The following DIAPH2 variants were observed in gnomAD, a reference collection of about 807,000 sequenced individuals.
DIAPH2 encodes the protein protein diaphanous homolog 2.
Under a neutral mutation model 92.7 loss-of-function variants are expected in DIAPH2, and 35 were observed. The observed-to-expected ratio is 0.38, with a 90% CI of 0.29 to 0.50. DIAPH2 has a LOEUF of 0.50. Among genes scored for constraint, DIAPH2 ranks in the 20% least tolerant of loss-of-function variants. The pLI is 0.94. For synonymous variants in DIAPH2, 301 were observed against 280.4 expected, an observed-to-expected ratio of 1.07 and a Z score of -0.73; for missense variants, 701 against 819.5, an observed-to-expected ratio of 0.86 and a Z score of 1.77.
At chrX:96,793,527 A>G in intron 4 of DIAPH2, 1 of 342,757 alleles carries the variant, frequency 2.9e-6, no homozygotes, top group South Asian at 2.7e-5. Flanking sequence ...TTCGATCTGG[A>G]GGCTGGGAAG....
intron 5 of DIAPH2, among the ~76,000 whole-genome samples, chrX:96,893,876 C>T (rs1308908991): frequency 8.9e-6 from 1 of 111,737 alleles, no homozygotes; most frequent in East Asian, 2.8e-4. Flanking sequence ...AGTATTTGCT[C>T]TATGACCCCA....
intron 22 of DIAPH2, among the ~76,000 whole-genome samples, chrX:97,205,062 A>T (rs1029537685): frequency 2.7e-5 from 3 of 111,676 alleles, no homozygotes; most frequent in Admixed American, 9.6e-5. Context: ...TGACAAAAAA[A>T]AAGCAATGGG....
chrX:96,917,775 C>G (rs1569426851), intron 8 of DIAPH2, among the ~76,000 whole-genome samples: 1 of 110,101 alleles, frequency 9.1e-6, no homozygotes, highest in Non-Finnish European at 1.9e-5. Flanking sequence ...TTTTTAGAGT[C>G]TTTTTTCTTT....
chrX:97,168,086 A>T (rs756661612), intron 22 of DIAPH2, among the ~76,000 whole-genome samples: 21 of 104,404 alleles, frequency 2.0e-4, no homozygotes, highest in African/African-American at 6.8e-4. Context: ...AAAATTAGAC[A>T]GTCTTTTTTT....
chrX:97,258,293 G>T (rs1406519935), intron 23 of DIAPH2, among the ~76,000 whole-genome samples: 2 of 112,386 alleles, frequency 1.8e-5, no homozygotes, highest in Non-Finnish European at 3.8e-5. Context: ...GATTAAGGGG[G>T]CCAGGTGCAG....
chrX:96,696,937 A>G (rs1056455085), intron 1 of DIAPH2, among the ~76,000 whole-genome samples: 5 of 112,104 alleles, frequency 4.5e-5, no homozygotes, highest in African/African-American at 1.6e-4. Flanking sequence ...GAATGTCAGC[A>G]TGACATGCTG....
intron 26 of DIAPH2, among the ~76,000 whole-genome samples, chrX:97,437,309 A>G (rs2070197239): frequency 8.9e-6 from 1 of 111,877 alleles, no homozygotes; most frequent in African/African-American, 3.2e-5. Context: ...ATATTGTAAT[A>G]TACAATTAAA....
intron 25 of DIAPH2, among the ~76,000 whole-genome samples, chrX:97,423,220 G>T (rs1205034609): frequency 9.0e-6 from 1 of 111,075 alleles, no homozygotes; most frequent in Non-Finnish European, 1.9e-5. Context: ...TGAACCTGTC[G>T]TCTTCTCTAG....
intron 26 of DIAPH2, among the ~76,000 whole-genome samples, chrX:97,509,025 T>TTATA (rs2070859469): frequency 1.1e-5 from 1 of 94,025 alleles, no homozygotes; most frequent in Non-Finnish European, 2.0e-5. Context: ...ATTTATTTAT[T>TTATA]TATTTATTTA....
intron 16 of DIAPH2, 51 bp from the exon 17 acceptor site, chrX:96,965,042 T>G (rs2065886271): frequency 9.0e-7 from 1 of 1,110,420 alleles, no homozygotes; most frequent in Non-Finnish European, 1.2e-6. Flanking sequence ...CCTTGAAAAT[T>G]TAAATATGAG....
chrX:97,035,525 C>T (rs916141736), intron 17 of DIAPH2, among the ~76,000 whole-genome samples: 21 of 111,567 alleles, frequency 1.9e-4, no homozygotes, highest in Admixed American at 1.7e-3. Context: ...AACAAATAGA[C>T]TTCAATCTCT....
intron 25 of DIAPH2, among the ~76,000 whole-genome samples, chrX:97,396,631 G>A (rs1015083695): frequency 2.7e-5 from 3 of 111,315 alleles, no homozygotes; most frequent in Admixed American, 9.6e-5. Context: ...GTGAGACTCT[G>A]TCTAAAAAAA....
chrX:96,884,606 C>G (rs745560952), intron 5 of DIAPH2: 10 of 1,209,915 alleles, frequency 8.3e-6, no homozygotes, highest in Non-Finnish European at 1.0e-5. Flanking sequence ...GATATGACCG[C>G]GAAACCAATC....
intron 17 of DIAPH2, among the ~76,000 whole-genome samples, chrX:97,032,033 C>T (rs897947427): frequency 6.3e-5 from 7 of 111,702 alleles, no homozygotes; most frequent in African/African-American, 2.3e-4. Context: ...GGTAAGAAAT[C>T]AGGGCATAAA....
intron 17 of DIAPH2, among the ~76,000 whole-genome samples, chrX:97,028,227 T>A: frequency 9.0e-6 from 1 of 111,314 alleles, no homozygotes. Context: ...CAATATCCAG[T>A]GCATCTGCTA....
chrX:96,967,663 C>T (rs948944717), intron 17 of DIAPH2, among the ~76,000 whole-genome samples: 3 of 110,545 alleles, frequency 2.7e-5, no homozygotes, highest in Non-Finnish European at 3.8e-5. Flanking sequence ...GTAATCCACC[C>T]GCCTCGACCT....
chrX:97,562,764 C>G (rs777366011), intron 26 of DIAPH2, among the ~76,000 whole-genome samples: 4 of 111,198 alleles, frequency 3.6e-5, no homozygotes, highest in Non-Finnish European at 7.5e-5. Context: ...AAGGGAACAC[C>G]CTATAGTTCA....
chrX:97,253,321 G>A (rs868716013), intron 23 of DIAPH2, among the ~76,000 whole-genome samples: 3 of 20,882 alleles, frequency 1.4e-4, no homozygotes, highest in Non-Finnish European at 3.3e-4. Context: ...AATAAAAAAA[G>A]AGGAAAAGAG....
intron 25 of DIAPH2, among the ~76,000 whole-genome samples, chrX:97,405,134 ACATT>A (rs2069796561): frequency 8.9e-6 from 1 of 111,907 alleles, no homozygotes; most frequent in Non-Finnish European, 1.9e-5. Flanking sequence ...TAAAGGCTTG[ACATT>A]CATTAATGCT....
Sources: allele counts gnomAD v4.1 joint callset (sites outside exome capture counted in the v4.1 genomes callset), GRCh38; gene constraint gnomAD v4.1.1; transcripts MANE v1.5; gene names NCBI Gene and HGNC (gene_info 2026-07-23, HGNC 2026-07-21).